The following AMN variants were observed in gnomAD, a reference collection of about 807,000 sequenced individuals.
AMN encodes amnion associated transmembrane protein, also known as protein amnionless.
AMN carries 40 observed loss-of-function variants against 49.1 expected under a neutral mutation model. The ratio of observed to expected loss-of-function variants is 0.81; its 90% CI spans 0.63 to 1.06. The LOEUF (loss-of-function observed/expected upper bound fraction) is 1.06, where lower values mean the gene tolerates loss of function less well. Ranked by LOEUF, AMN falls within the 50% of genes least tolerant of loss-of-function variation. The pLI is 0.00. For missense variants in AMN, 701 were observed against 662.8 expected (o/e 1.06, Z -0.63); for synonymous variants, 380 against 313.3 (o/e 1.21, Z -2.25).
intron 1 of AMN, 51 bp from the exon 2 acceptor site, chr14:102,923,660 G>C: frequency 6.6e-7 from 1 of 1,526,296 alleles, no homozygotes; most frequent in Non-Finnish European, 9.1e-7. Flanking sequence ...CCTTCCCTGA[G>C]AAGGGAGCAT....
Position 102,929,063 on chromosome 14 carries a change from G to T in AMN, c.514-58G>T, listed in dbSNP as rs1891264525. On this transcript the variant is annotated intron_variant, in intron 5 of 11. Coordinates refer to ENST00000299155, the MANE Select transcript of AMN (RefSeq NM_030943.4). The stretch of plus-strand genomic sequence containing the variant: ...CCTGGTCTGCACACGTTGGGTCTGA[G>T]CACTCAGGTGAAGTCTCTTCCTCGG... The T allele has an allele frequency of 3.8e-6, 6 of 1,597,094 alleles. No homozygotes were observed. The African/African-American group carries it at 8.0e-5, about 21-fold the overall frequency.
In AMN at chr14:102,929,648, G is replaced by A; in HGVS notation, c.761-7G>A. On this transcript the variant is annotated splice_region_variant and splice_polypyrimidine_tract_variant and intron_variant, in intron 7 of 11. Coordinates refer to ENST00000299155, the MANE Select transcript of AMN (RefSeq NM_030943.4). ...CCACGGCGCTGACCCCTGCCCTCCC[G>A]CCGCAGGAGCCGTTGTGTTGCTGAC... The A allele has an allele frequency of 6.5e-7, 1 of 1,549,056 alleles. No homozygotes were observed. Among genetic ancestry groups the A allele is most frequent in the African/African-American group, 1.4e-5 (1 of 73,132 alleles).
chr14:102,927,461 C>T (rs1353324880), intron 3 of AMN, among the ~76,000 whole-genome samples: 3 of 152,240 alleles, frequency 2.0e-5, no homozygotes, highest in African/African-American at 4.8e-5. Flanking sequence ...TGACACATTC[C>T]GTCCCCACGG....
chr14:102,926,614 T>C (rs1004568760), intron 3 of AMN, among the ~76,000 whole-genome samples: 2 of 144,514 alleles, frequency 1.4e-5, no homozygotes, highest in African/African-American at 2.6e-5. Flanking sequence ...TGAGATGGAG[T>C]CTTGCTCTGC....
In AMN at chr14:102,930,427, G is replaced by T. The variant is rs899163860; in HGVS notation, c.1191G>T (p.Ala397=). The change falls in exon 11 of 12, where the codon GCG becomes GCT. Residue 397 remains alanine (A), a synonymous_variant. Transcript: ENST00000299155. ...GRLRWRRHEA[A]APAGAPLGFR... ...TCAGGTGGAGGAGGCACGAGGCGGC[G>T]GCCCCGGCTGGAGCGCCCCTCGGCT... is the stretch of plus-strand genomic sequence containing the variant. The T allele has an allele frequency of 2.0e-6, 3 of 1,520,692 alleles. No individual in the cohort carries two copies. The East Asian group carries it at 7.6e-5, about 39-fold the overall frequency. The allele number at this position is 1,520,692 out of a possible 1,614,324, so 94.2% of individuals were successfully genotyped here. A position where few individuals can be genotyped will look rare whatever the true frequency, so the allele number is the denominator to read the frequency against.
chr14:102,924,711 G>T (rs868650464), intron 3 of AMN, among the ~76,000 whole-genome samples: 2 of 152,298 alleles, frequency 1.3e-5, no homozygotes, highest in South Asian at 2.1e-4. Context: ...GAGGAAAGCG[G>T]GTTCCATGAG....
rs1891121762 is a variant in AMN at position 102,923,778 on chromosome 14, C to T, written c.111C>T (p.Ser37=). 6.2e-7 allele frequency: 1 copy of T among 1,612,690 alleles called. No individual in the cohort carries two copies. The highest frequency in any genetic ancestry group is 8.5e-7 in the Non-Finnish European group (1 of 1,179,894). The change falls in exon 2 of 12, where the codon AGC becomes AGT. Residue 37 remains serine (S), a synonymous_variant. Transcript: ENST00000299155. Reference sequence around the variant, plus strand: ...ACTTCGACGTCGCAGCCAACTGGAGCCAGAACCGGACCCCGTGCGCCGGCG... The same window carrying T: ...ACTTCGACGTCGCAGCCAACTGGAGTCAGAACCGGACCCCGTGCGCCGGCG... The part of the protein sequence containing the change: ...NTDFDVAANW[S]QNRTPCAGGA...
At position 102,922,932 on chromosome 14, in the gene AMN, G is replaced by C. The variant is rs1323352221; in HGVS notation, c.43+201G>C. 2.8e-5 allele frequency: 21 copies of C among 739,800 alleles called. No homozygotes were observed. In the East Asian group the frequency reaches 4.1e-4, roughly 14 times the overall value. 45.8% of individuals were successfully genotyped at this position (739,800 alleles called of 1,614,324 possible). A position where few individuals can be genotyped will look rare whatever the true frequency, so the allele number is the denominator to read the frequency against. On this transcript the variant is annotated intron_variant, in intron 1 of 11. Coordinates refer to ENST00000299155, the MANE Select transcript of AMN (RefSeq NM_030943.4). ...CGGAAGTGCGCGGCCAGTGCATCGG[G>C]CGGTGCGGGAGAGGAGAGGAGGGGC...
Position 102,930,749 on chromosome 14 carries a change from A to C in AMN, c.*69A>C. 1 of 1,480,706 alleles carries C rather than the reference A, an allele frequency of 6.8e-7. No individual in the cohort carries two copies. Among genetic ancestry groups the C allele is most frequent in the Non-Finnish European group, 9.2e-7 (1 of 1,091,724 alleles). 91.7% of individuals were successfully genotyped at this position (1,480,706 alleles called of 1,614,324 possible). On this transcript the variant is annotated 3_prime_UTR_variant, in exon 12 of 12. Coordinates refer to ENST00000299155, the MANE Select transcript of AMN (RefSeq NM_030943.4). ...GCCCCAGTCGAACTGGGGGCTAGCC[A>C]CCTCCTCGTCCAGCCCCCAAACCTC...
chr14:102,930,540 C>G, intron 11 of AMN, 36 bp from the exon 12 acceptor site: 1 of 1,547,026 alleles, frequency 6.5e-7, no homozygotes, highest in Non-Finnish European at 8.7e-7. Context: ...GGCCGGGACT[C>G]GGCGCCGACC....
intron 1 of AMN, 110 bp downstream of exon 1, chr14:102,922,841 G>A: frequency 4.2e-6 from 6 of 1,413,406 alleles, no homozygotes; most frequent in Non-Finnish European, 4.8e-6. Flanking sequence ...AGTGGGCAGG[G>A]AGGGCTTTGG....
chr14:102,922,792 G>A, intron 1 of AMN, 61 bp downstream of exon 1: 2 of 1,540,100 alleles, frequency 1.3e-6, no homozygotes, highest in Non-Finnish European at 1.7e-6. Flanking sequence ...ACCCAGGGCC[G>A]AGGTCGCTCT....
At chr14:102,928,640 GC>G in intron 4 of AMN, 117 bp from the exon 5 acceptor site, 7 of 1,495,276 alleles carry the variant, frequency 4.7e-6, no homozygotes, top group Non-Finnish European at 4.5e-6. Context: ...TTAGGGAGTG[GC>G]GGAAGTGTCC....
chr14:102,928,664 T>TGG, intron 4 of AMN, 94 bp from the exon 5 acceptor site: 10 of 1,510,094 alleles, frequency 6.6e-6, no homozygotes, highest in Non-Finnish European at 8.9e-6. Flanking sequence ...AAGCGGGGCT[T>TGG]GGGAGGTCGT....
chr14:102,930,665 C>T lies in AMN; in HGVS notation c.1347C>T (p.Ala449=), dbSNP rs955976358. 9.4e-6 allele frequency: 15 copies of T among 1,591,078 alleles called. No homozygotes were observed. Among genetic ancestry groups the T allele is most frequent in the African/African-American group, 2.7e-5 (2 of 74,416 alleles). Residue 449 remains alanine, a synonymous_variant, in exon 12 of 12, where the codon GCC becomes GCT. Transcript: ENST00000299155. ...SYFVNPLFAG[A]EAEA ...TCGTCAACCCTCTGTTCGCCGGGGC[C>T]GAGGCCGAGGCCTGAGCGGCCGCCT...
At chr14:102,925,484 T>C (rs1189912556) in intron 3 of AMN, among the ~76,000 whole-genome samples, 5 of 152,066 alleles carry the variant, frequency 3.3e-5, no homozygotes, top group African/African-American at 9.7e-5. Context: ...AGGGAGGCGG[T>C]TGCCCCTTGT....
At chr14:102,923,277 C>G in intron 1 of AMN, 1 of 291,194 alleles carries the variant, frequency 3.4e-6, no homozygotes, top group Non-Finnish European at 6.6e-6. Context: ...TACCGGGTTG[C>G]GCTCTGTCGC....
intron 3 of AMN, among the ~76,000 whole-genome samples, chr14:102,926,072 G>A (rs1038884014): frequency 6.6e-6 from 1 of 152,208 alleles, no homozygotes; most frequent in East Asian, 1.9e-4. Flanking sequence ...CCATCCCCCT[G>A]CCTTGGCTGG....
chr14:102,924,212 CCCCACAGCCCT>C (rs532327934), intron 3 of AMN, among the ~76,000 whole-genome samples: 250 of 152,266 alleles, frequency 1.6e-3, no homozygotes, highest in African/African-American at 6.0e-3. Flanking sequence ...GCACCCCTGT[CCCCACAGCCCT>C]TGTGATGCCC....
Sources: gnomAD v4.1 joint callset for allele counts (sites outside exome capture counted in the v4.1 genomes callset) on GRCh38, gnomAD v4.1.1 for gene constraint, MANE v1.5 for transcripts, NCBI Gene and HGNC (gene_info 2026-07-23, HGNC 2026-07-21) for gene names.